The following IL1RAPL1 variants were observed in gnomAD, a reference collection of about 807,000 sequenced individuals.
IL1RAPL1 encodes the protein interleukin 1 receptor accessory protein like 1.
IL1RAPL1 carries 3 observed loss-of-function variants against 48.4 expected under a neutral mutation model. That is an observed-to-expected ratio of 0.06 (90% CI 0.03 to 0.16). The LOEUF is 0.16. IL1RAPL1 is among the 10% of genes least tolerant of loss of function. The pLI, the probability that IL1RAPL1 is intolerant of heterozygous loss-of-function variation, is 1.00. For synonymous variants in IL1RAPL1, 185 were observed against 187.7 expected (o/e 0.99, Z 0.12); for missense variants, 349 against 530.6 (o/e 0.66, Z 3.36).
At chrX:28,820,130 CAA>C (rs1280908934) in intron 2 of IL1RAPL1, among the ~76,000 whole-genome samples, 3 of 104,988 alleles carry the variant, frequency 2.9e-5, no homozygotes, top group African/African-American at 1.0e-4. Context: ...TTTATATTCT[CAA>C]TATAAAAATG....
chrX:28,940,718 A>T (rs2147348790), intron 2 of IL1RAPL1, among the ~76,000 whole-genome samples: 1 of 110,836 alleles, frequency 9.0e-6, no homozygotes, highest in Non-Finnish European at 1.9e-5. Context: ...GTCTCCACCA[A>T]TCACATTTTA....
At chrX:29,666,789 C>T (rs752828145) in intron 5 of IL1RAPL1, among the ~76,000 whole-genome samples, 22 of 110,831 alleles carry the variant, frequency 2.0e-4, no homozygotes, top group Non-Finnish European at 4.0e-4. Flanking sequence ...ACTGTCAAGT[C>T]GTCTACTTGT....
chrX:29,541,596 T>C lies in IL1RAPL1; in HGVS notation c.704-126834T>C, dbSNP rs551809302. Among the ~76,000 whole-genome samples the C allele has an allele frequency of 7.9e-4, 89 of 111,986 alleles. 2 individuals are homozygous for C. In the South Asian group the frequency reaches 0.032, roughly 41 times the overall value. The stretch of plus-strand genomic sequence containing the variant: ...ATATATTATCTACGCTATGGAATAC[T>C]ACACAGCCATAAAAAGAATTAAATG... On this transcript the variant is annotated intron_variant, in intron 5 of 10. Transcript: ENST00000378993.
chrX:29,735,413 C>A (rs1393651313), intron 6 of IL1RAPL1, among the ~76,000 whole-genome samples: 1 of 111,684 alleles, frequency 9.0e-6, no homozygotes, highest in East Asian at 2.8e-4. Context: ...ATCTTAATTA[C>A]CCCTTGCCAT....
At chrX:29,272,204 G>A (rs914952382) in intron 2 of IL1RAPL1, among the ~76,000 whole-genome samples, 5 of 111,286 alleles carry the variant, frequency 4.5e-5, no homozygotes, top group Admixed American at 9.5e-5. Context: ...CTCAAAGATC[G>A]GATGGTTGTA....
chrX:29,593,555 G>A (rs1324292332), intron 5 of IL1RAPL1, among the ~76,000 whole-genome samples: 2 of 111,522 alleles, frequency 1.8e-5, no homozygotes, highest in Non-Finnish European at 3.8e-5. Context: ...TACAGTGGAG[G>A]TTCAGTTGTA....
chrX:29,252,506 A>G (rs747565060), intron 2 of IL1RAPL1, among the ~76,000 whole-genome samples: 21 of 113,912 alleles, frequency 1.8e-4, no homozygotes, highest in African/African-American at 5.1e-4. Context: ...TTACAAAACA[A>G]TTGTTGCTCT....
intron 2 of IL1RAPL1, among the ~76,000 whole-genome samples, chrX:29,069,006 T>G (rs1927506680): frequency 8.9e-6 from 1 of 112,041 alleles, no homozygotes; most frequent in African/African-American, 3.2e-5. Flanking sequence ...ATAGTGTGTT[T>G]CCTCCCTAAG....
At chrX:28,962,095 A>C (rs1924793804) in intron 2 of IL1RAPL1, among the ~76,000 whole-genome samples, 1 of 112,006 alleles carries the variant, frequency 8.9e-6, no homozygotes, top group African/African-American at 3.2e-5. Context: ...GAATGGCATA[A>C]GAAGATATAT....
intron 6 of IL1RAPL1, among the ~76,000 whole-genome samples, chrX:29,912,475 G>T (rs1258851591): frequency 8.9e-6 from 1 of 111,906 alleles, no homozygotes; most frequent in Non-Finnish European, 1.9e-5. Flanking sequence ...TAGTCAAGTT[G>T]CTGGGCTAGA....
chrX:29,245,869 G>C (rs1378635530), intron 2 of IL1RAPL1, among the ~76,000 whole-genome samples: 2 of 110,964 alleles, frequency 1.8e-5, no homozygotes, highest in Admixed American at 1.9e-4. Context: ...GTCCTGAATG[G>C]TATTGCCTAG....
At chrX:29,757,350 T>A (rs1010044158) in intron 6 of IL1RAPL1, among the ~76,000 whole-genome samples, 2 of 112,027 alleles carry the variant, frequency 1.8e-5, no homozygotes, top group African/African-American at 6.5e-5. Context: ...CCCAGCCAAA[T>A]ATTTGACAAG....
intron 3 of IL1RAPL1, among the ~76,000 whole-genome samples, chrX:29,383,490 A>G (rs759877767): frequency 8.9e-6 from 1 of 112,073 alleles, no homozygotes; most frequent in Admixed American, 9.5e-5. Context: ...AAAGTGTTTT[A>G]TTTCTGCATT....
chrX:29,250,253 A>G (rs1421188894), intron 2 of IL1RAPL1, among the ~76,000 whole-genome samples: 1 of 112,226 alleles, frequency 8.9e-6, no homozygotes, highest in Non-Finnish European at 1.9e-5. Context: ...AAAGAAAACT[A>G]CAATTGAGAA....
chrX:29,541,041 G>A (rs1037942581), intron 5 of IL1RAPL1, among the ~76,000 whole-genome samples: 1 of 111,764 alleles, frequency 8.9e-6, no homozygotes, highest in Non-Finnish European at 1.9e-5. Context: ...TCTGACAAAG[G>A]TCTAATATTT....
intron 1 of IL1RAPL1, among the ~76,000 whole-genome samples, chrX:28,693,957 C>G (rs996299190): frequency 2.7e-5 from 3 of 111,739 alleles, no homozygotes; most frequent in African/African-American, 6.5e-5. Context: ...ATGCATTTCT[C>G]CAAATAATTT....
At chrX:29,655,626 G>A (rs1925653203) in intron 5 of IL1RAPL1, among the ~76,000 whole-genome samples, 1 of 87,232 alleles carries the variant, frequency 1.1e-5, no homozygotes, top group East Asian at 3.5e-4. Flanking sequence ...TCATGCCACT[G>A]CACTCCAGCG....
chrX:28,918,453 C>G (rs751790797), intron 2 of IL1RAPL1, among the ~76,000 whole-genome samples: 5 of 111,856 alleles, frequency 4.5e-5, no homozygotes, highest in Non-Finnish European at 7.5e-5. Context: ...TTAAAAGGCC[C>G]AATGCCCCCC....
intron 1 of IL1RAPL1, among the ~76,000 whole-genome samples, chrX:28,657,902 T>C (rs1414286708): frequency 8.9e-6 from 1 of 112,154 alleles, no homozygotes; most frequent in Non-Finnish European, 1.9e-5. Flanking sequence ...TTTTATAATG[T>C]CTGGCACTCT....
Sources: allele counts gnomAD v4.1 joint callset (sites outside exome capture counted in the v4.1 genomes callset), GRCh38; gene constraint gnomAD v4.1.1; transcripts MANE v1.5; gene names NCBI Gene and HGNC (gene_info 2026-07-23, HGNC 2026-07-21).